Variants in PDS5A observed in about 807,000 individuals in gnomAD.
The protein encoded by PDS5A is PDS5 cohesin associated factor A, also known as sister chromatid cohesion protein PDS5 homolog A.
Under a neutral mutation model 167.1 loss-of-function variants are expected in PDS5A, and 42 were observed. The ratio of observed to expected loss-of-function variants is 0.25; its 90% CI spans 0.20 to 0.33. The LOEUF is 0.33. Ranked by LOEUF, PDS5A falls within the 10% of genes least tolerant of loss-of-function variation. The probability of loss-of-function intolerance (pLI) is 1.00; values close to 1 mark genes in which losing one functional copy is unlikely to be tolerated. For missense variants in PDS5A, 1,033 were observed against 1,605.9 expected (o/e 0.64, Z 6.10); for synonymous variants, 553 against 554.6 (o/e 1.00, Z 0.04).
rs149029411 is a variant in PDS5A, at chr4:39,862,369, A to G, written c.2972-36T>C. 2.9e-6 allele frequency: 3 copies of G among 1,019,124 alleles called. No individual in the cohort carries two copies. In the African/African-American group the frequency reaches 4.8e-5, roughly 16 times the overall value. 63.1% of individuals were successfully genotyped at this position (1,019,124 alleles called of 1,614,324 possible). On this transcript the variant is annotated intron_variant, in intron 25 of 32. Transcript: ENST00000303538. ...AACATTATTAAAAACAACCTTTATA[A>G]AATGCCTTAGTGGACTGAGTTCTAA...
intron 2 of PDS5A, chr4:39,936,694 G>T (rs1726649265): frequency 6.6e-6 from 1 of 152,050 alleles, no homozygotes; most frequent in South Asian, 2.1e-4. Context: ...CTCCCAAAGT[G>T]CTGGTTCACA....
chr4:39,908,396 C>T lies in PDS5A; in HGVS notation c.1232G>A (p.Arg411Gln). The change falls in exon 11 of 33, where the codon CGG becomes CAG. Residue 411 changes from arginine to glutamine, a missense_variant and splice_region_variant. By Grantham distance (43) the Arg-to-Gln change is conservative. Transcript: ENST00000303538. ...AGAATAAAATGCCTCAGATTTTACCCGTTTATCCAGTGTTCTTTCCCTTAC... is the reference window on the plus strand; with the variant it reads ...AGAATAAAATGCCTCAGATTTTACCTGTTTATCCAGTGTTCTTTCCCTTAC... Reference protein sequence around the residue: ...GFVRERTLDKRWRVRKEAMMG... With the variant: ...GFVRERTLDKQWRVRKEAMMG... 6.2e-7 allele frequency: 1 copy of T among 1,611,876 alleles called. No homozygotes were observed. Among genetic ancestry groups the T allele is most frequent in the Non-Finnish European group, 8.5e-7 (1 of 1,178,456 alleles).
At chr4:39,866,218 G>A (rs1176705296) in intron 23 of PDS5A, among the ~76,000 whole-genome samples, 1 of 152,110 alleles carries the variant, frequency 6.6e-6, no homozygotes, top group Non-Finnish European at 1.5e-5. Flanking sequence ...GGTTTCAAGC[G>A]ATTCTCCTGC....
At chr4:39,962,654 A>G (rs970713430) in intron 2 of PDS5A, among the ~76,000 whole-genome samples, 1 of 151,930 alleles carries the variant, frequency 6.6e-6, no homozygotes, top group African/African-American at 2.4e-5. Context: ...AAATACAAAA[A>G]TTAGCCAGGT....
intron 3 of PDS5A, among the ~76,000 whole-genome samples, chr4:39,927,566 T>C (rs1427152134): frequency 6.6e-6 from 1 of 152,190 alleles, no homozygotes. Context: ...GATGAGCATA[T>C]AGTTTTGCAT....
chr4:39,860,191 C>T (rs976351791), intron 26 of PDS5A, among the ~76,000 whole-genome samples: 5 of 152,070 alleles, frequency 3.3e-5, no homozygotes, highest in Admixed American at 6.5e-5. Flanking sequence ...TGGCCGGGCA[C>T]AGTGGCTCAT....
At chr4:39,924,406 A>G (rs1725275394) in intron 5 of PDS5A, among the ~76,000 whole-genome samples, 1 of 152,290 alleles carries the variant, frequency 6.6e-6, no homozygotes, top group Admixed American at 6.5e-5. Flanking sequence ...GCTTACTGCT[A>G]GTCAAATGCC....
intron 2 of PDS5A, among the ~76,000 whole-genome samples, chr4:39,930,197 C>A (rs1195791672): frequency 9.5e-6 from 1 of 105,032 alleles, no homozygotes; most frequent in Admixed American, 1.5e-4. Context: ...GCCTGGGCAA[C>A]AGAGTGAGAC....
intron 14 of PDS5A, among the ~76,000 whole-genome samples, chr4:39,900,050 T>C (rs1027075230): frequency 2.0e-5 from 3 of 152,022 alleles, no homozygotes; most frequent in Non-Finnish European, 4.4e-5. Flanking sequence ...GGCATATTTA[T>C]AGGATTGATA....
At chr4:39,907,121 A>G (rs1723445389) in intron 11 of PDS5A, among the ~76,000 whole-genome samples, 1 of 152,164 alleles carries the variant, frequency 6.6e-6, no homozygotes, top group South Asian at 2.1e-4. Context: ...AAACTATGAA[A>G]AAACTGTAAT....
At chr4:39,945,502 T>C (rs1164095712) in intron 2 of PDS5A, among the ~76,000 whole-genome samples, 1 of 149,498 alleles carries the variant, frequency 6.7e-6, no homozygotes, top group Non-Finnish European at 1.5e-5. Flanking sequence ...GCAATGTAGC[T>C]AGTCACTCAC....
chr4:39,973,416 G>C, intron 2 of PDS5A: 2 of 1,540,310 alleles, frequency 1.3e-6, no homozygotes, highest in Admixed American at 1.7e-5. Context: ...ACTGTGGAAC[G>C]GTGTGGACAG....
intron 21 of PDS5A, among the ~76,000 whole-genome samples, chr4:39,869,864 T>C (rs1719870646): frequency 6.6e-6 from 1 of 152,082 alleles, no homozygotes; most frequent in South Asian, 2.1e-4. Flanking sequence ...CCCAGCACTA[T>C]GGGGGGATGA....
At chr4:39,867,067 T>C in intron 22 of PDS5A, 70 bp from the exon 23 acceptor site, 1 of 1,262,834 alleles carries the variant, frequency 7.9e-7, no homozygotes, top group Non-Finnish European at 1.1e-6. Context: ...ATTAATTTAA[T>C]TAGATTAATG....
At position 39,877,013 on chromosome 4, in the gene PDS5A, T is replaced by C. The variant is rs915155811; in HGVS notation, c.2133A>G (p.Thr711=). ...CTCACGATCGTATCTGGGGAAGGTC[T>C]GTTTCTATTTTGTGACCTGTATTTC... The part of the protein sequence containing the change: ...IFRNTGHKIE[T]DLPQIRSTLI... The change falls in exon 19 of 33, where the codon ACA becomes ACG. Residue 711 remains threonine (T), a synonymous_variant. Transcript: ENST00000303538. 8 of 1,611,836 alleles carry C rather than the reference T, an allele frequency of 5.0e-6. No homozygotes were observed. The highest frequency in any genetic ancestry group is 6.8e-6 in the Non-Finnish European group (8 of 1,178,778).
intron 2 of PDS5A, among the ~76,000 whole-genome samples, chr4:39,943,798 C>T (rs1290923720): frequency 2.0e-5 from 3 of 151,162 alleles, no homozygotes; most frequent in Non-Finnish European, 2.9e-5. Context: ...CAAAGCGAAC[C>T]GTATCAAAAA....
rs201112371 is a variant in PDS5A at position 39,923,347 on chromosome 4, GAA to G, written c.528-601_528-600del. Among the ~76,000 whole-genome samples the G allele has an allele frequency of 2.7e-5, 3 of 110,986 alleles. No individual in the cohort carries two copies. In the East Asian group the frequency reaches 7.7e-4, roughly 29 times the overall value. 72.8% of individuals were successfully genotyped at this position (110,986 alleles called of 152,430 possible). A position where few individuals can be genotyped will look rare whatever the true frequency, so the allele number is the denominator to read the frequency against. On this transcript the variant is annotated intron_variant, in intron 5 of 32. Coordinates refer to ENST00000303538, the MANE Select transcript of PDS5A (RefSeq NM_001100399.2). ...TGTATCAATTAAAAAAAAAAAAAAA[GAA>G]AAAAAAAAGGAAAAGGAAAAAAAGA... is the stretch of plus-strand genomic sequence containing the variant.
intron 2 of PDS5A, among the ~76,000 whole-genome samples, chr4:39,972,910 G>GT (rs138532599): frequency 2.6e-5 from 4 of 151,382 alleles, no homozygotes; most frequent in East Asian, 3.9e-4. Flanking sequence ...TTTTTGTGGG[G>GT]TTTTTTTTGT....
At chr4:39,895,971 AC>A (rs1722374051) in intron 16 of PDS5A, among the ~76,000 whole-genome samples, 1 of 149,694 alleles carries the variant, frequency 6.7e-6, no homozygotes, top group Admixed American at 6.6e-5. Context: ...TGATCTGCCA[AC>A]CTCGGCCTCC....
Sources: gnomAD v4.1 joint callset for allele counts (sites outside exome capture counted in the v4.1 genomes callset) on GRCh38, gnomAD v4.1.1 for gene constraint, MANE v1.5 for transcripts, NCBI Gene and HGNC (gene_info 2026-07-23, HGNC 2026-07-21) for gene names.